COL9A1: variants seen among roughly 807,000 people sequenced by gnomAD.
COL9A1 encodes the protein collagen type IX alpha 1 chain, also known as collagen alpha-1(IX) chain.
A neutral mutation model predicts 142.6 loss-of-function variants in COL9A1; 104 were observed. The observed-to-expected ratio is 0.73, with a 90% CI of 0.62 to 0.86. The LOEUF is 0.86. Among genes scored for constraint, COL9A1 ranks in the 40% least tolerant of loss-of-function variants. The pLI is 0.00. For missense variants in COL9A1, 1,210 were observed against 1,176.6 expected, an observed-to-expected ratio of 1.03 and a Z score of -0.42; for synonymous variants, 466 against 396.0, an observed-to-expected ratio of 1.18 and a Z score of -2.10.
rs1023981474 is a variant in COL9A1, at chr6:70,280,179, A to G, written c.975+633T>C. 3.9e-5 allele frequency among the ~76,000 whole-genome samples: 6 copies of G among 152,222 alleles called. No homozygotes were observed. In the East Asian group the frequency reaches 5.8e-4, roughly 15 times the overall value. On this transcript the variant is annotated intron_variant, in intron 10 of 37. Transcript: ENST00000357250. ...ACTGGAGAAAGCCTGCTGGTTCTCA[A>G]TCTTCATACAGTCCTAGCCAGCTCA...
intron 5 of COL9A1, among the ~76,000 whole-genome samples, chr6:70,293,657 ACACAC>A: frequency 6.6e-6 from 1 of 151,610 alleles, no homozygotes; most frequent in East Asian, 1.9e-4. Context: ...ACACACACAC[ACACAC>A]ACACACACAC....
rs147546061 is a variant in COL9A1, at chr6:70,286,894, T to G, written c.697-3074A>C. On this transcript the variant is annotated intron_variant, in intron 5 of 37. Transcript: ENST00000357250. The stretch of plus-strand genomic sequence containing the variant: ...ACTTGGAGTTAGTAGACCGGAGACA[T>G]GCTCATTTATTTATTCAACGTATTT... Among the ~76,000 whole-genome samples the G allele has an allele frequency of 2.0e-3, 311 of 152,338 alleles. 2 individuals carry two copies. The highest frequency in any genetic ancestry group is 7.3e-3 in the African/African-American group (304 of 41,578).
intron 20 of COL9A1, among the ~76,000 whole-genome samples, chr6:70,258,197 A>G (rs1771446656): frequency 6.6e-6 from 1 of 152,162 alleles, no homozygotes. Context: ...ACAAAATATA[A>G]CCCCTATCTT....
intron 21 of COL9A1, 58 bp from the exon 22 acceptor site, chr6:70,255,448 A>C: frequency 1.4e-6 from 2 of 1,459,470 alleles, no homozygotes; most frequent in Non-Finnish European, 9.6e-7. Flanking sequence ...ATCAACTTTT[A>C]AAAATTAGAA....
At position 70,291,285 on chromosome 6, in the gene COL9A1, C is replaced by T. The variant is rs145984429; in HGVS notation, c.696+2882G>A. On this transcript the variant is annotated intron_variant, in intron 5 of 37. Coordinates refer to ENST00000357250, the MANE Select transcript of COL9A1 (RefSeq NM_001851.6). ...GAAGAACTGACCCATCTGGGAATTT[C>T]CAAATGAGAGTCCATCTGTCTGAAA... Among the ~76,000 whole-genome samples, 1,373 of 152,216 alleles carry T rather than the reference C, an allele frequency of 9.0e-3. 10 individuals are homozygous for T. Among genetic ancestry groups the T allele is most frequent in the Non-Finnish European group, 0.013 (898 of 67,984 alleles).
At chr6:70,264,650 A>G (rs1771900918) in intron 18 of COL9A1, among the ~76,000 whole-genome samples, 1 of 152,064 alleles carries the variant, frequency 6.6e-6, no homozygotes, top group Admixed American at 6.5e-5. Flanking sequence ...TAGATTCTCC[A>G]TAAACTTTGG....
chr6:70,279,670 A>AAAAAAAC (rs1554245283), intron 10 of COL9A1: 2 of 172,292 alleles, frequency 1.2e-5, no homozygotes, highest in African/African-American at 5.2e-5. Flanking sequence ...AAAAAAAAAA[A>AAAAAAAC]CACATACACA....
At chr6:70,286,632 C>A (rs1031114592) in intron 5 of COL9A1, among the ~76,000 whole-genome samples, 2 of 152,226 alleles carry the variant, frequency 1.3e-5, no homozygotes, top group African/African-American at 2.4e-5. Flanking sequence ...TCTCATCTTT[C>A]CTTTCAGTTT....
chr6:70,269,262 C>A (rs1772239946), intron 16 of COL9A1, among the ~76,000 whole-genome samples: 1 of 152,174 alleles, frequency 6.6e-6, no homozygotes, highest in South Asian at 2.1e-4. Context: ...TGTCTCCAAT[C>A]AAATGGGCCA....
chr6:70,283,610 C>T lies in COL9A1; in HGVS notation c.780+127G>A, dbSNP rs1041377039. On this transcript the variant is annotated intron_variant, in intron 6 of 37. Coordinates refer to ENST00000357250, the MANE Select transcript of COL9A1 (RefSeq NM_001851.6). ...TATTTCTCTAGTCAGTACAGCAAAG[C>T]ACAGGCTCTCTTAGCGAAAGAGAGT... The T allele has an allele frequency of 3.3e-5, 26 of 776,338 alleles. No homozygotes were observed. In the African/African-American group the frequency reaches 3.6e-4, roughly 11 times the overall value. The allele number at this position is 776,338 out of a possible 1,614,324, so 48.1% of individuals were successfully genotyped here. A position where few individuals can be genotyped will look rare whatever the true frequency, so the allele number is the denominator to read the frequency against.
rs1772048785 is a variant in COL9A1 at position 70,266,842 on chromosome 6, C to T, written c.1288-72G>A. 4.8e-6 allele frequency: 6 copies of T among 1,244,020 alleles called. No homozygotes were observed. The Admixed American group carries it at 1.0e-4, about 21-fold the overall frequency. 77.1% of individuals were successfully genotyped at this position (1,244,020 alleles called of 1,614,324 possible). Reference sequence around the variant, plus strand: ...TGATCAGAAGGCTCATAAAGTGATCCTGCTTCCCTAAATCAGTGCCAATGT... The same window carrying T: ...TGATCAGAAGGCTCATAAAGTGATCTTGCTTCCCTAAATCAGTGCCAATGT... On this transcript the variant is annotated intron_variant, in intron 17 of 37. Transcript: ENST00000357250.
At chr6:70,243,771 G>A (rs920103920) in intron 28 of COL9A1, among the ~76,000 whole-genome samples, 10 of 152,056 alleles carry the variant, frequency 6.6e-5, no homozygotes, top group Non-Finnish European at 5.9e-5. Context: ...CAGGTGATCC[G>A]CCCGCCTTGG....
At chr6:70,276,220 T>A (rs190244010) in intron 10 of COL9A1, among the ~76,000 whole-genome samples, 5 of 152,276 alleles carry the variant, frequency 3.3e-5, no homozygotes, top group Admixed American at 3.3e-4. Context: ...CCTATGGTAA[T>A]GAAATGTTTG....
intron 10 of COL9A1, 109 bp from the exon 11 acceptor site, chr6:70,274,881 G>T (rs1772654074): frequency 1.2e-6 from 1 of 822,026 alleles, no homozygotes; most frequent in African/African-American, 1.7e-5. Context: ...GGTTACATAA[G>T]TATGATGCAA....
chr6:70,240,859 T>C lies in COL9A1; in HGVS notation c.2035-126A>G, dbSNP rs1224719132. The C allele has an allele frequency of 7.4e-6, 6 of 806,310 alleles. No homozygotes were observed. In the East Asian group the frequency reaches 1.5e-4, roughly 20 times the overall value. 49.9% of individuals were successfully genotyped at this position (806,310 alleles called of 1,614,324 possible). A position where few individuals can be genotyped will look rare whatever the true frequency, so the allele number is the denominator to read the frequency against. ...CCCAGAATCATGCAGAAATACAAAA[T>C]GCTCTCAGCGGCTTTCCAATCTAGC... On this transcript the variant is annotated intron_variant, in intron 31 of 37. Transcript: ENST00000357250.
intron 1 of COL9A1, among the ~76,000 whole-genome samples, 170 bp downstream of exon 1, chr6:70,302,741 G>A (rs1244011272): frequency 1.3e-5 from 2 of 151,256 alleles, no homozygotes; most frequent in South Asian, 2.1e-4. Context: ...GTCTGTCTTC[G>A]GTTTCTCACG....
chr6:70,232,639 C>A lies in COL9A1; in HGVS notation c.2447G>T (p.Arg816Leu), dbSNP rs754596057. The A allele has an allele frequency of 1.2e-6, 2 of 1,614,116 alleles. No homozygotes were observed. The highest frequency in any genetic ancestry group is 2.2e-5 in the South Asian group (2 of 91,066). Residue 816 changes from arginine (R) to leucine (L), a missense_variant, in exon 36 of 38, where the codon CGT becomes CTT. Coordinates refer to ENST00000357250, the MANE Select transcript of COL9A1 (RefSeq NM_001851.6). ...GGGCCCCTTAATGCCCGGAAGGCCACGAATTCCCATCTGGCCTGGGAAACC... is the reference window on the plus strand; with the variant it reads ...GGGCCCCTTAATGCCCGGAAGGCCAAGAATTCCCATCTGGCCTGGGAAACC... ...ENGFPGQMGI[R>L]GLPGIKGPPG...
At chr6:70,260,822 C>A in intron 19 of COL9A1, 112 bp from the exon 20 acceptor site, 1 of 935,746 alleles carries the variant, frequency 1.1e-6, no homozygotes, top group Non-Finnish European at 1.7e-6. Flanking sequence ...AAAGGTAATA[C>A]CAAGAAATAG....
At chr6:70,255,268 A>T in intron 22 of COL9A1, 65 bp from the exon 23 acceptor site, 1 of 1,611,124 alleles carries the variant, frequency 6.2e-7, no homozygotes, top group Non-Finnish European at 8.5e-7. Context: ...AGACTTGTCA[A>T]AGAGATCAGC....
Sources: gnomAD v4.1 joint callset for allele counts (sites outside exome capture counted in the v4.1 genomes callset) on GRCh38, gnomAD v4.1.1 for gene constraint, MANE v1.5 for transcripts, NCBI Gene and HGNC (gene_info 2026-07-23, HGNC 2026-07-21) for gene names.